Variants in FIGN observed in about 807,000 individuals in gnomAD.
FIGN encodes fidgetin, microtubule severing factor, also known as fidgetin.
FIGN carries 11 observed loss-of-function variants against 51.3 expected under a neutral mutation model. The ratio of observed to expected loss-of-function variants is 0.21; its 90% CI spans 0.13 to 0.35. FIGN has a LOEUF of 0.35. FIGN is among the 10% of genes least tolerant of loss of function. The probability of loss-of-function intolerance (pLI) is 1.00; values close to 1 mark genes in which losing one functional copy is unlikely to be tolerated. For synonymous variants in FIGN, 407 were observed against 363.2 expected, an observed-to-expected ratio of 1.12 and a Z score of -1.37; for missense variants, 857 against 943.6, an observed-to-expected ratio of 0.91 and a Z score of 1.20.
chr2:163,734,187 T>C (rs1382035287), intron 2 of FIGN, among the ~76,000 whole-genome samples: 1 of 152,078 alleles, frequency 6.6e-6, no homozygotes, highest in East Asian at 1.9e-4. Flanking sequence ...TATTTAATTC[T>C]GTCACAAGTT....
intron 2 of FIGN, among the ~76,000 whole-genome samples, chr2:163,630,306 T>TA (rs952318847): frequency 6.6e-6 from 1 of 151,964 alleles, no homozygotes; most frequent in Non-Finnish European, 1.5e-5. Context: ...AGGAAGGAGC[T>TA]AAAGGGCAGG....
intron 2 of FIGN, among the ~76,000 whole-genome samples, chr2:163,717,243 A>G (rs890792765): frequency 1.6e-4 from 25 of 152,212 alleles, no homozygotes; most frequent in African/African-American, 6.0e-4. Context: ...GCTAAGGTTA[A>G]CTACGGAATT....
At chr2:163,667,765 T>C (rs952377940) in intron 2 of FIGN, among the ~76,000 whole-genome samples, 1 of 152,176 alleles carries the variant, frequency 6.6e-6, no homozygotes, top group African/African-American at 2.4e-5. Flanking sequence ...TGGACAGGGT[T>C]CCACTGCTGC....
intron 2 of FIGN, among the ~76,000 whole-genome samples, chr2:163,715,730 T>C (rs1684657323): frequency 6.6e-6 from 1 of 152,228 alleles, no homozygotes; most frequent in Non-Finnish European, 1.5e-5. Context: ...GTTGTGGATA[T>C]GCATTAGAAC....
intron 2 of FIGN, among the ~76,000 whole-genome samples, chr2:163,628,138 G>A (rs1230126135): frequency 6.6e-6 from 1 of 152,120 alleles, no homozygotes; most frequent in Non-Finnish European, 1.5e-5. Context: ...TGAGAATCTT[G>A]CCCATAGTGC....
chr2:163,624,056 A>G (rs1453535359), intron 2 of FIGN, among the ~76,000 whole-genome samples: 1 of 107,512 alleles, frequency 9.3e-6, no homozygotes, highest in Non-Finnish European at 2.5e-5. Flanking sequence ...ACTAATATTC[A>G]GGCATGATTT....
intron 2 of FIGN, among the ~76,000 whole-genome samples, chr2:163,690,442 G>A (rs1190884664): frequency 6.6e-6 from 1 of 152,052 alleles, no homozygotes; most frequent in Non-Finnish European, 1.5e-5. Context: ...CGTAGAGCTG[G>A]GTGAGAATCA....
At chr2:163,654,786 C>T (rs1267923434) in intron 2 of FIGN, among the ~76,000 whole-genome samples, 1 of 151,900 alleles carries the variant, frequency 6.6e-6, no homozygotes, top group Admixed American at 6.6e-5. Flanking sequence ...TGTGTATGCT[C>T]GTATCAAAAT....
At chr2:163,735,373 C>A (rs978667585) in intron 1 of FIGN, among the ~76,000 whole-genome samples, 26 of 152,156 alleles carry the variant, frequency 1.7e-4, no homozygotes, top group Admixed American at 7.9e-4. Context: ...GACATTTTCT[C>A]GTTCCCCCAG....
At chr2:163,644,058 G>C (rs534508589) in intron 2 of FIGN, among the ~76,000 whole-genome samples, 84 of 149,686 alleles carry the variant, frequency 5.6e-4, no homozygotes, top group Middle Eastern at 3.4e-3. Context: ...TCTTAGATAT[G>C]ACCCAAAAGC....
At chr2:163,726,034 T>C (rs1010465083) in intron 2 of FIGN, among the ~76,000 whole-genome samples, 7 of 152,118 alleles carry the variant, frequency 4.6e-5, no homozygotes, top group Admixed American at 3.9e-4. Context: ...CTTAGAATTA[T>C]AGGAAACATA....
At chr2:163,619,258 T>C (rs539503478) in intron 2 of FIGN, among the ~76,000 whole-genome samples, 1 of 152,306 alleles carries the variant, frequency 6.6e-6, no homozygotes, top group Admixed American at 6.5e-5. Context: ...TATAAGGTTA[T>C]TTAAGCTACT....
chr2:163,625,424 T>C (rs1481278254), intron 2 of FIGN, among the ~76,000 whole-genome samples: 2 of 152,064 alleles, frequency 1.3e-5, no homozygotes, highest in Admixed American at 1.3e-4. Flanking sequence ...AATATCATTT[T>C]CCTCCCTGAT....
At chr2:163,677,706 T>C (rs1360602238) in intron 2 of FIGN, among the ~76,000 whole-genome samples, 4 of 152,218 alleles carry the variant, frequency 2.6e-5, no homozygotes, top group Admixed American at 6.5e-5. Context: ...TCATTTTCTT[T>C]TGTTTTGTGT....
At chr2:163,669,901 A>T (rs1683848061) in intron 2 of FIGN, among the ~76,000 whole-genome samples, 1 of 152,182 alleles carries the variant, frequency 6.6e-6, no homozygotes, top group Admixed American at 6.5e-5. Flanking sequence ...TTTAATAGAA[A>T]AGTTAACTTA....
intron 2 of FIGN, among the ~76,000 whole-genome samples, chr2:163,628,931 T>G (rs1009069831): frequency 6.6e-6 from 1 of 152,146 alleles, no homozygotes. Context: ...AGTTGCAACC[T>G]GGAACATGTG....
chr2:163,722,635 A>G (rs867091124), intron 2 of FIGN, among the ~76,000 whole-genome samples: 29 of 152,154 alleles, frequency 1.9e-4, no homozygotes, highest in Admixed American at 5.9e-4. Context: ...ATAAGATTTT[A>G]AAGATAGCAT....
At chr2:163,727,854 G>A (rs114006149) in intron 2 of FIGN, among the ~76,000 whole-genome samples, 2,062 of 152,186 alleles carry the variant, frequency 0.014, 39 homozygotes, top group African/African-American at 0.046. Flanking sequence ...TTTAGGTATC[G>A]CAATATGAAG....
At chr2:163,689,238 G>A (rs1195998811) in intron 2 of FIGN, among the ~76,000 whole-genome samples, 1 of 149,766 alleles carries the variant, frequency 6.7e-6, no homozygotes, top group Non-Finnish European at 1.5e-5. Flanking sequence ...AGAGGCTGGA[G>A]CAAAATCATA....
Sources: allele counts gnomAD v4.1 joint callset (sites outside exome capture counted in the v4.1 genomes callset), GRCh38; gene constraint gnomAD v4.1.1; transcripts MANE v1.5; gene names NCBI Gene and HGNC (gene_info 2026-07-23, HGNC 2026-07-21).